The following FRMD6 variants were observed in gnomAD, a reference collection of about 807,000 sequenced individuals.
FRMD6 encodes FERM domain-containing protein 6.
Under a neutral mutation model 73.2 loss-of-function variants are expected in FRMD6, and 37 were observed. The observed-to-expected ratio is 0.51, with a 90% CI of 0.39 to 0.66. The LOEUF is 0.66. Among genes scored for constraint, FRMD6 ranks in the 30% least tolerant of loss-of-function variants. The pLI, the probability that FRMD6 is intolerant of heterozygous loss-of-function variation, is 0.00. For synonymous variants in FRMD6, 273 were observed against 282.2 expected (o/e 0.97, Z 0.33); for missense variants, 714 against 780.5 (o/e 0.91, Z 1.02).
chr14:51,480,020 A>C, the FRMD6 span, among the ~76,000 whole-genome samples: 1 of 152,194 alleles, frequency 6.6e-6, no homozygotes, highest in African/African-American at 2.4e-5. Flanking sequence ...TCTATACTTC[A>C]GTGAAAAGTC....
intron 1 of FRMD6, among the ~76,000 whole-genome samples, chr14:51,657,962 C>T (rs1038116697): frequency 7.9e-5 from 12 of 152,160 alleles, no homozygotes; most frequent in African/African-American, 2.9e-4. Flanking sequence ...ATGACAGCGC[C>T]AGTAGTAGAA....
chr14:51,504,649 G>T (rs1465279779), intron 1 of FRMD6, among the ~76,000 whole-genome samples: 2 of 152,114 alleles, frequency 1.3e-5, no homozygotes, highest in East Asian at 1.9e-4. Context: ...TTTCTCTGGT[G>T]GGTTAAATCA....
chr14:51,719,012 C>T (rs1897390608), intron 10 of FRMD6, among the ~76,000 whole-genome samples: 1 of 152,154 alleles, frequency 6.6e-6, no homozygotes. Context: ...CTACTAGTTT[C>T]TAAAATCAGA....
chr14:51,398,680 C>T, the FRMD6 span, among the ~76,000 whole-genome samples: 1 of 152,046 alleles, frequency 6.6e-6, no homozygotes, highest in Non-Finnish European at 1.5e-5. Flanking sequence ...ACCTAATTTC[C>T]TACTTTCATT....
intron 2 of FRMD6, among the ~76,000 whole-genome samples, chr14:51,595,697 C>T (rs138621608): frequency 5.6e-4 from 86 of 152,268 alleles, no homozygotes; most frequent in African/African-American, 2.0e-3. Flanking sequence ...TATTGTAGAT[C>T]AATTACATGC....
intron 1 of FRMD6, among the ~76,000 whole-genome samples, chr14:51,531,184 C>T (rs1885562657): frequency 6.6e-6 from 1 of 152,166 alleles, no homozygotes; most frequent in African/African-American, 2.4e-5. Flanking sequence ...GTTTCCAACA[C>T]ATGCTTGTTA....
chr14:51,523,103 A>T (rs1412769683), intron 1 of FRMD6: 1 of 152,222 alleles, frequency 6.6e-6, no homozygotes, highest in African/African-American at 2.4e-5. Context: ...ATTTTCAACA[A>T]TAGGGGTGTA....
the FRMD6 span, among the ~76,000 whole-genome samples, chr14:51,429,025 A>G: frequency 7.2e-6 from 1 of 138,626 alleles, no homozygotes; most frequent in African/African-American, 2.7e-5. Flanking sequence ...AGGGTGGGAG[A>G]GAGAGGGGAG....
intron 2 of FRMD6, chr14:51,637,500 CAT>C (rs1354426037): frequency 0.025 from 2,667 of 106,464 alleles, 30 homozygotes; most frequent in Non-Finnish European, 0.031. Context: ...CACACACACA[CAT>C]ATATTTGGAA....
At chr14:51,525,512 T>C (rs61545884) in intron 1 of FRMD6, among the ~76,000 whole-genome samples, 8,823 of 152,010 alleles carry the variant, frequency 0.058, 526 homozygotes, top group African/African-American at 0.15. Flanking sequence ...TGTGATCCGC[T>C]GACCTTGTGA....
At chr14:51,479,083 A>C in the FRMD6 span, among the ~76,000 whole-genome samples, 4 of 152,154 alleles carry the variant, frequency 2.6e-5, no homozygotes, top group East Asian at 1.9e-4. Flanking sequence ...CCCTCCAAAA[A>C]TGCTAGTTAA....
chr14:51,463,110 C>T, the FRMD6 span, among the ~76,000 whole-genome samples: 4 of 152,202 alleles, frequency 2.6e-5, no homozygotes, highest in African/African-American at 9.7e-5. Flanking sequence ...ACAACTTTCC[C>T]TATCGCATTC....
At chr14:51,479,556 CTG>C in the FRMD6 span, among the ~76,000 whole-genome samples, 1 of 152,190 alleles carries the variant, frequency 6.6e-6, no homozygotes, top group East Asian at 1.9e-4. Context: ...TTTTCTGTGC[CTG>C]TGTTTCTTCA....
At chr14:51,708,254 C>CT in intron 7 of FRMD6, 21 bp downstream of exon 7, 1 of 1,604,834 alleles carries the variant, frequency 6.2e-7, no homozygotes, top group Non-Finnish European at 8.5e-7. Flanking sequence ...GCAACTAAGT[C>CT]TTCAGCTTCT....
the FRMD6 span, among the ~76,000 whole-genome samples, chr14:51,467,131 T>C: frequency 6.6e-6 from 1 of 152,228 alleles, no homozygotes; most frequent in Non-Finnish European, 1.5e-5. Flanking sequence ...GCAGTGTTTG[T>C]GTCCCTGGGT....
chr14:51,582,437 T>C (rs148321054), intron 2 of FRMD6, among the ~76,000 whole-genome samples: 171 of 152,320 alleles, frequency 1.1e-3, no homozygotes, highest in African/African-American at 3.8e-3. Flanking sequence ...AGTTTTGCTG[T>C]ATTTTCACCT....
intron 1 of FRMD6, among the ~76,000 whole-genome samples, chr14:51,568,630 G>A (rs562094737): frequency 6.6e-6 from 1 of 152,244 alleles, no homozygotes; most frequent in African/African-American, 2.4e-5. Flanking sequence ...TTCTGGGAGT[G>A]GTTTGAATTG....
intron 1 of FRMD6, among the ~76,000 whole-genome samples, chr14:51,659,393 G>T (rs1258102980): frequency 6.6e-6 from 1 of 152,186 alleles, no homozygotes; most frequent in Non-Finnish European, 1.5e-5. Flanking sequence ...TTTATTGGAG[G>T]TTCCCAAGCC....
chr14:51,529,164 GA>G (rs1379620813), intron 1 of FRMD6, among the ~76,000 whole-genome samples: 1 of 152,208 alleles, frequency 6.6e-6, no homozygotes, highest in African/African-American at 2.4e-5. Flanking sequence ...AAATGGGGAA[GA>G]AAACACTTTA....
Sources: allele counts gnomAD v4.1 joint callset (sites outside exome capture counted in the v4.1 genomes callset), GRCh38; gene constraint gnomAD v4.1.1; transcripts MANE v1.5; gene names NCBI Gene and HGNC (gene_info 2026-07-23, HGNC 2026-07-21).